The following NFATC2 variants were observed in gnomAD, a reference collection of about 807,000 sequenced individuals.
NFATC2 encodes nuclear factor of activated T cells 2.
In NFATC2, 22 loss-of-function variants were observed where a neutral mutation model predicts 87.3. That is an observed-to-expected ratio of 0.25 (90% CI 0.18 to 0.36). NFATC2 has a LOEUF of 0.36. Among genes scored for constraint, NFATC2 ranks in the 10% least tolerant of loss-of-function variants. NFATC2 has a pLI of 1.00. For missense variants in NFATC2, 1,149 were observed against 1,259.1 expected, an observed-to-expected ratio of 0.91 and a Z score of 1.32; for synonymous variants, 565 against 542.2, an observed-to-expected ratio of 1.04 and a Z score of -0.58.
upstream of NFATC2, chr20:51,562,827 C>G (rs968542579): frequency 3.7e-6 from 2 of 533,356 alleles, no homozygotes; most frequent in Non-Finnish European, 6.7e-6. The surrounding 1 kb of genome is among the most constrained non-coding windows in gnomAD (Gnocchi z 5.8). Flanking sequence ...CCGGCTTACT[C>G]CAGAGGCAAC....
chr20:51,524,865 C>G lies in NFATC2; in HGVS notation c.131-755G>C, dbSNP rs2076517801. Among the ~76,000 whole-genome samples the G allele has an allele frequency of 6.6e-6, 1 of 152,160 alleles. No homozygotes were observed. Among genetic ancestry groups the G allele is most frequent in the South Asian group, 2.1e-4 (1 of 4,808 alleles). On this transcript the variant is annotated intron_variant, in intron 1 of 10. Coordinates refer to ENST00000371564, the MANE Select transcript of NFATC2 (RefSeq NM_012340.5). The surrounding 1 kb of genome is among the most constrained non-coding windows in gnomAD (Gnocchi z 4.0). ...GCTTAAAAATACCACAGGCAAGCCA[C>G]TTGCCCCCCAACAGGCAGGGTCACT... is the stretch of plus-strand genomic sequence containing the variant.
chr20:51,416,386 C>T (rs1047977839), intron 9 of NFATC2, among the ~76,000 whole-genome samples: 2 of 152,220 alleles, frequency 1.3e-5, no homozygotes, highest in East Asian at 1.9e-4. Context: ...CTGGGTAGGG[C>T]ACAGCACCCA....
At chr20:51,421,205 T>C (rs995923812) in intron 9 of NFATC2, among the ~76,000 whole-genome samples, 1 of 152,060 alleles carries the variant, frequency 6.6e-6, no homozygotes, top group African/African-American at 2.4e-5. Flanking sequence ...TGAAGCCTCG[T>C]GGTGGGTATG....
chr20:51,513,281 C>A (rs188969552), intron 3 of NFATC2, among the ~76,000 whole-genome samples: 1 of 152,108 alleles, frequency 6.6e-6, no homozygotes, highest in East Asian at 1.9e-4. Flanking sequence ...AGTTCAAGAC[C>A]AGCCTAAGCA....
intron 9 of NFATC2, among the ~76,000 whole-genome samples, chr20:51,419,279 C>G (rs1027524469): frequency 6.6e-6 from 1 of 152,200 alleles, no homozygotes; most frequent in African/African-American, 2.4e-5. Flanking sequence ...ATGCACATGA[C>G]TGGGTAATAT....
At chr20:51,408,121 A>T (rs919096671) in intron 9 of NFATC2, among the ~76,000 whole-genome samples, 2 of 152,190 alleles carry the variant, frequency 1.3e-5, no homozygotes, top group Non-Finnish European at 1.5e-5. Flanking sequence ...CCCATGTGGC[A>T]GGGTCGGTGG....
rs376694540 is a variant in NFATC2, at chr20:51,408,511, T to TAAAAAAAAAAAAAAAAAAAA, written c.2723-9782_2723-9781insTTTTTTTTTTTTTTTTTTTT. Among the ~76,000 whole-genome samples, 2 of 125,348 alleles carry TAAAAAAAAAAAAAAAAAAAA rather than the reference T, an allele frequency of 1.6e-5. 1 individual carries two copies. Among genetic ancestry groups the TAAAAAAAAAAAAAAAAAAAA allele is most frequent in the Non-Finnish European group, 3.2e-5 (2 of 62,730 alleles). 82.2% of individuals were successfully genotyped at this position (125,348 alleles called of 152,430 possible). On this transcript the variant is annotated intron_variant, in intron 9 of 10. Transcript: ENST00000371564. Reference sequence around the variant, plus strand: ...CCTGGGGGACTGAGCAAGACTCTTTTTAAAAAAAAAAAAAAAAAAAGCCAG... The same window carrying TAAAAAAAAAAAAAAAAAAAA: ...CCTGGGGGACTGAGCAAGACTCTTTTAAAAAAAAAAAAAAAAAAAATAAAAAAAAAAAAAAAAAAAGCCAG...
At chr20:51,511,348 G>C (rs2076268519) in intron 3 of NFATC2, among the ~76,000 whole-genome samples, 1 of 152,180 alleles carries the variant, frequency 6.6e-6, no homozygotes, top group Admixed American at 6.5e-5. Context: ...TGTTACTGAG[G>C]GTGTGGACAG....
chr20:51,444,044 C>T (rs142552202), intron 6 of NFATC2, among the ~76,000 whole-genome samples: 1 of 152,216 alleles, frequency 6.6e-6, no homozygotes, highest in South Asian at 2.1e-4. Context: ...GTCCATGGCG[C>T]GATCTCAGCT....
intron 1 of NFATC2, among the ~76,000 whole-genome samples, chr20:51,559,383 T>C (rs762122191): frequency 7.0e-4 from 106 of 152,236 alleles, no homozygotes; most frequent in Non-Finnish European, 1.1e-3. Context: ...CAACGTGGTA[T>C]TGGGGAAAGA....
intron 9 of NFATC2, among the ~76,000 whole-genome samples, chr20:51,429,897 G>A (rs1982436002): frequency 6.6e-6 from 1 of 152,018 alleles, no homozygotes; most frequent in African/African-American, 2.4e-5. Flanking sequence ...AGCTGACTCA[G>A]GTTTGGACCT....
intron 1 of NFATC2, among the ~76,000 whole-genome samples, chr20:51,525,558 C>CT (rs1480393977): frequency 6.6e-6 from 1 of 151,032 alleles, no homozygotes; most frequent in Non-Finnish European, 1.5e-5. Context: ...CCTCCAAGGC[C>CT]CCCCACCTCA....
chr20:51,540,654 T>TG (rs2076796369), intron 1 of NFATC2, among the ~76,000 whole-genome samples: 1 of 131,116 alleles, frequency 7.6e-6, no homozygotes, highest in Non-Finnish European at 1.6e-5. Context: ...GAAGTTTTTT[T>TG]TTTGTTTTTT....
chr20:51,511,403 G>A (rs2076269493), intron 3 of NFATC2, among the ~76,000 whole-genome samples: 1 of 152,222 alleles, frequency 6.6e-6, no homozygotes, highest in Admixed American at 6.5e-5. Context: ...TGGTGATGCA[G>A]CGTGTGGCCC....
chr20:51,416,577 G>A (rs1980069455), intron 9 of NFATC2, among the ~76,000 whole-genome samples: 1 of 152,134 alleles, frequency 6.6e-6, no homozygotes, highest in Non-Finnish European at 1.5e-5. Context: ...AAGGAGGGTT[G>A]GCACATCCCA....
At chr20:51,545,468 T>A (rs1452231335), upstream of NFATC2, among the ~76,000 whole-genome samples, 1 of 152,218 alleles carries the variant, frequency 6.6e-6, no homozygotes, top group African/African-American at 2.4e-5. Context: ...TGAGATCCAC[T>A]AAGGCAGGGG....
At chr20:51,525,967 C>T (rs1368037110) in intron 1 of NFATC2, among the ~76,000 whole-genome samples, 2 of 131,500 alleles carry the variant, frequency 1.5e-5, no homozygotes, top group East Asian at 5.0e-4. Context: ...TCAGCAACAA[C>T]CCCTCCAACC....
intron 10 of NFATC2, among the ~76,000 whole-genome samples, chr20:51,394,548 C>T (rs1467798206): frequency 2.0e-5 from 3 of 149,402 alleles, no homozygotes; most frequent in South Asian, 2.1e-4. Flanking sequence ...CCAGCCCAGT[C>T]GCACTCCTGT....
chr20:51,460,953 A>G (rs746358089), intron 5 of NFATC2, among the ~76,000 whole-genome samples: 3 of 152,238 alleles, frequency 2.0e-5, no homozygotes, highest in Non-Finnish European at 2.9e-5. Context: ...TTTGCATTTT[A>G]ACAATCTTTC....
Sources: allele counts gnomAD v4.1 joint callset (sites outside exome capture counted in the v4.1 genomes callset), GRCh38; gene constraint gnomAD v4.1.1; non-coding constraint Gnocchi (gnomAD v3.1); transcripts MANE v1.5; gene names NCBI Gene and HGNC (gene_info 2026-07-23, HGNC 2026-07-21).